SPATC1: variants seen among roughly 807,000 people sequenced by gnomAD.
SPATC1 encodes the protein spermatogenesis and centriole associated 1, also known as speriolin.
In SPATC1, 35 loss-of-function variants were observed where a neutral mutation model predicts 36.5. The ratio of observed to expected loss-of-function variants is 0.96; its 90% CI spans 0.73 to 1.27. The LOEUF (loss-of-function observed/expected upper bound fraction) is 1.27, where lower values mean the gene tolerates loss of function less well. Ranked by LOEUF, SPATC1 falls within the 50% of genes most tolerant of loss-of-function variation. SPATC1 has a pLI of 0.00. For missense variants in SPATC1, 779 were observed against 796.0 expected (o/e 0.98, Z 0.26); for synonymous variants, 361 against 353.6 (o/e 1.02, Z -0.24).
chr8:144,043,975 C>T (rs1835187201), intron 4 of SPATC1, among the ~76,000 whole-genome samples: 1 of 152,204 alleles, frequency 6.6e-6, no homozygotes, highest in African/African-American at 2.4e-5. Context: ...CCTACAGACT[C>T]TCCTGCTGCT....
chr8:144,034,729 C>A (rs1834864778), intron 1 of SPATC1, among the ~76,000 whole-genome samples: 1 of 152,072 alleles, frequency 6.6e-6, no homozygotes, highest in East Asian at 1.9e-4. Flanking sequence ...TCAAGCGATT[C>A]TCCTGCCCCA....
chr8:144,023,039 C>G (rs1171932314), intron 1 of SPATC1, among the ~76,000 whole-genome samples: 1 of 148,394 alleles, frequency 6.7e-6, no homozygotes, highest in Non-Finnish European at 1.5e-5. Flanking sequence ...AACCTCGTCC[C>G]TCAGGACCCT....
chr8:144,038,043 C>T (rs1240583292), intron 1 of SPATC1, among the ~76,000 whole-genome samples: 11 of 150,802 alleles, frequency 7.3e-5, no homozygotes, highest in Non-Finnish European at 1.2e-4. Flanking sequence ...AGGAGAATGG[C>T]GTGAACCCCG....
chr8:144,020,850 C>A (rs1834506756), intron 1 of SPATC1, among the ~76,000 whole-genome samples: 1 of 149,160 alleles, frequency 6.7e-6, no homozygotes, highest in African/African-American at 2.5e-5. Context: ...TCCCTAAAGA[C>A]CCTCTCCCCT....
At chr8:144,024,066 A>C (rs1274968555) in intron 1 of SPATC1, among the ~76,000 whole-genome samples, 2 of 144,426 alleles carry the variant, frequency 1.4e-5, no homozygotes, top group Admixed American at 6.8e-5. Context: ...TTCCCTCAGG[A>C]CCCTCTTCTC....
intron 1 of SPATC1, among the ~76,000 whole-genome samples, chr8:144,032,276 ATTATT>A (rs1180310988): frequency 6.6e-6 from 1 of 151,476 alleles, no homozygotes; most frequent in Non-Finnish European, 1.5e-5. Context: ...GGTATTTTTT[ATTATT>A]TTATTTTATT....
rs1287732558 is a variant in SPATC1 at position 144,047,054 on chromosome 8, C to A, written c.*98C>A. On this transcript the variant is annotated 3_prime_UTR_variant, in exon 5 of 5. Coordinates refer to ENST00000377470, the MANE Select transcript of SPATC1 (RefSeq NM_198572.3). This position sits in a 1 kb window ranked among gnomAD's most constrained non-coding sequence, Gnocchi z 4.1. The stretch of plus-strand genomic sequence containing the variant: ...ACTGGTCGCTGGGCCTGTGCCAGCG[C>A]TCCTGGGTGGTGCTGCCTCCTCTGG... The A allele has an allele frequency of 7.0e-6, 10 of 1,418,900 alleles. No homozygotes were observed. In the African/African-American group the frequency reaches 1.1e-4, roughly 16 times the overall value. The allele number at this position is 1,418,900 out of a possible 1,614,324, so 87.9% of individuals were successfully genotyped here. A position where few individuals can be genotyped will look rare whatever the true frequency, so the allele number is the denominator to read the frequency against.
chr8:144,014,568 C>T (rs1554752900), intron 1 of SPATC1, among the ~76,000 whole-genome samples: 2 of 152,188 alleles, frequency 1.3e-5, no homozygotes, highest in African/African-American at 4.8e-5. Context: ...CAAGCAAGCC[C>T]TCTCCTCCCA....
intron 1 of SPATC1, among the ~76,000 whole-genome samples, chr8:144,014,408 AAGGAGG>A (rs1338327360): frequency 6.7e-6 from 1 of 150,222 alleles, no homozygotes; most frequent in Non-Finnish European, 1.5e-5. Flanking sequence ...CAAGAAGAAG[AAGGAGG>A]AGGAGGAGAG....
chr8:144,040,625 C>T lies in SPATC1; in HGVS notation c.824C>T (p.Ala275Val), dbSNP rs539876524. Residue 275 changes from alanine to valine, a missense_variant, in exon 3 of 5, where the codon GCG becomes GTG. Transcript: ENST00000377470. ...STQDPEPLSM[A>V]FAGAPLQTST... Reference sequence around the variant, plus strand: ...CAGGACCCAGAGCCTCTCAGCATGGCGTTTGCAGGAGCACCCCTCCAGACC... The same window carrying T: ...CAGGACCCAGAGCCTCTCAGCATGGTGTTTGCAGGAGCACCCCTCCAGACC... The T allele has an allele frequency of 1.7e-5, 27 of 1,612,086 alleles. No homozygotes were observed. Among genetic ancestry groups the T allele is most frequent in the Middle Eastern group, 3.3e-4 (2 of 6,050 alleles).
At chr8:144,029,620 G>A (rs1834755489) in intron 1 of SPATC1, among the ~76,000 whole-genome samples, 1 of 152,084 alleles carries the variant, frequency 6.6e-6, no homozygotes, top group Non-Finnish European at 1.5e-5. Flanking sequence ...CCACAGTTGT[G>A]AATTTTACAG....
rs1389007058 is a variant in SPATC1 at position 144,045,469 on chromosome 8, A to G, written c.1447-1158A>G. Among the ~76,000 whole-genome samples, 1 of 152,190 alleles carries G rather than the reference A, an allele frequency of 6.6e-6. No homozygotes were observed. Among genetic ancestry groups the G allele is most frequent in the Non-Finnish European group, 1.5e-5 (1 of 68,032 alleles). On this transcript the variant is annotated intron_variant, in intron 4 of 4. Transcript: ENST00000377470. This position sits in a 1 kb window ranked among gnomAD's most constrained non-coding sequence, Gnocchi z 5.2. Reference sequence around the variant, plus strand: ...GCCTGAACAGCTTGTGTGGGCAAGGAGTAGGGAAGAGTATTCCCTGCAGGT... The same window carrying G: ...GCCTGAACAGCTTGTGTGGGCAAGGGGTAGGGAAGAGTATTCCCTGCAGGT...
intron 1 of SPATC1, among the ~76,000 whole-genome samples, chr8:144,025,093 C>T (rs1834649515): frequency 6.6e-6 from 1 of 151,694 alleles, no homozygotes; most frequent in African/African-American, 2.4e-5. Flanking sequence ...CCTAAGGAAA[C>T]TCTTCCCTCA....
Position 144,046,853 on chromosome 8 carries a change from T to C in SPATC1, c.1673T>C (p.Val558Ala). 6.2e-7 allele frequency: 1 copy of C among 1,601,824 alleles called. No homozygotes were observed. The highest frequency in any genetic ancestry group is 8.5e-7 in the Non-Finnish European group (1 of 1,179,818). The stretch of plus-strand genomic sequence containing the variant: ...ACCGTGGACTTCCTGCAGCGTGTGG[T>C]GGTGGAGACCGTGCACCCCGGCATG... ...PYTVDFLQRV[V>A]VETVHPGMLA... The change falls in exon 5 of 5, where the codon GTG (valine) becomes GCG (alanine). Residue 558 changes from valine to alanine, a missense_variant. Physicochemically the swap from Val to Ala is moderately conservative, Grantham distance 64. Coordinates refer to ENST00000377470, the MANE Select transcript of SPATC1 (RefSeq NM_198572.3). The surrounding 1 kb of genome is among the most constrained non-coding windows in gnomAD (Gnocchi z 6.6).
chr8:144,026,411 A>G (rs1203789006), intron 1 of SPATC1, among the ~76,000 whole-genome samples: 1 of 152,168 alleles, frequency 6.6e-6, no homozygotes, highest in African/African-American at 2.4e-5. Context: ...TGCCGCTATG[A>G]ACATTCATGT....
intron 1 of SPATC1, among the ~76,000 whole-genome samples, chr8:144,032,063 G>A (rs989960506): frequency 2.7e-5 from 4 of 150,890 alleles, no homozygotes; most frequent in Admixed American, 1.3e-4. Flanking sequence ...TCTCTTTATC[G>A]TCTCTCTTTC....
At chr8:144,038,329 A>C (rs756984458) in intron 1 of SPATC1, among the ~76,000 whole-genome samples, 1 of 139,768 alleles carries the variant, frequency 7.2e-6, no homozygotes, top group Admixed American at 7.4e-5. Context: ...GCTACTCAGG[A>C]GGCTGGAGCA....
intron 1 of SPATC1, among the ~76,000 whole-genome samples, chr8:144,022,972 T>C: frequency 1.5e-5 from 2 of 134,332 alleles, no homozygotes; most frequent in East Asian, 2.4e-4. Context: ...CCTACCCTAT[T>C]CCCTCAGGAC....
intron 1 of SPATC1, among the ~76,000 whole-genome samples, chr8:144,033,386 C>G (rs993469042): frequency 6.6e-6 from 1 of 150,740 alleles, no homozygotes; most frequent in Admixed American, 6.6e-5. Context: ...GCAACAAGAG[C>G]GAGACTCCGT....
Sources: gnomAD v4.1 joint callset for allele counts (sites outside exome capture counted in the v4.1 genomes callset) on GRCh38, gnomAD v4.1.1 for gene constraint, Gnocchi (gnomAD v3.1) non-coding constraint, MANE v1.5 for transcripts, NCBI Gene and HGNC (gene_info 2026-07-23, HGNC 2026-07-21) for gene names.